Variants in PLEKHH1 observed in about 807,000 individuals in gnomAD.
PLEKHH1 encodes the protein pleckstrin homology domain-containing family H member 1.
Under a neutral mutation model 160.0 loss-of-function variants are expected in PLEKHH1, and 104 were observed. The ratio of observed to expected loss-of-function variants is 0.65; its 90% CI spans 0.55 to 0.76. The LOEUF is 0.76. PLEKHH1 is among the 30% of genes least tolerant of loss of function. The probability of loss-of-function intolerance (pLI) is 0.00; values close to 1 mark genes in which losing one functional copy is unlikely to be tolerated. For missense variants in PLEKHH1, 1,427 were observed against 1,724.1 expected (o/e 0.83, Z 3.05); for synonymous variants, 619 against 678.4 (o/e 0.91, Z 1.36).
Position 67,578,708 on chromosome 14 carries a change from T to G in PLEKHH1, c.2849+77T>G. On this transcript the variant is annotated intron_variant, in intron 20 of 28. Coordinates refer to ENST00000329153, the MANE Select transcript of PLEKHH1 (RefSeq NM_020715.3). This position sits in a 1 kb window ranked among gnomAD's most constrained non-coding sequence, Gnocchi z 5.0. ...ATGAATAAGAGGGATGAGAGGAGTC[T>G]AGGGCAGACCAGATCACTCCTGTCC... The G allele has an allele frequency of 1.1e-6, 1 of 934,748 alleles. No homozygotes were observed. The highest frequency in any genetic ancestry group is 1.7e-6 in the Non-Finnish European group (1 of 584,988). The allele number at this position is 934,748 out of a possible 1,614,324, so 57.9% of individuals were successfully genotyped here. A position where few individuals can be genotyped will look rare whatever the true frequency, so the allele number is the denominator to read the frequency against.
chr14:67,553,702 A>G (rs527243770), intron 2 of PLEKHH1, among the ~76,000 whole-genome samples: 8 of 152,342 alleles, frequency 5.3e-5, no homozygotes, highest in Non-Finnish European at 1.0e-4. Context: ...AACCACCCCT[A>G]TAAACATAAT....
At chr14:67,536,125 A>T (rs1479094779) in intron 1 of PLEKHH1, among the ~76,000 whole-genome samples, 1 of 148,848 alleles carries the variant, frequency 6.7e-6, no homozygotes, top group Non-Finnish European at 1.5e-5. Flanking sequence ...GGTTGTCCTG[A>T]CCACTTCTTT....
chr14:67,544,203 G>A (rs1306908354), intron 2 of PLEKHH1, among the ~76,000 whole-genome samples: 1 of 152,200 alleles, frequency 6.6e-6, no homozygotes, highest in African/African-American at 2.4e-5. Context: ...CACTGGCACA[G>A]GAGATGACAA....
chr14:67,585,574 C>A lies in PLEKHH1; in HGVS notation c.3706C>A (p.Gln1236Lys). 1 of 1,578,266 alleles carries A rather than the reference C, an allele frequency of 6.3e-7. No homozygotes were observed. The highest frequency in any genetic ancestry group is 8.6e-7 in the Non-Finnish European group (1 of 1,160,582). The change falls in exon 27 of 29, where the codon CAG becomes AAG. Residue 1236 changes from glutamine (Q) to lysine (K), a missense_variant. Coordinates refer to ENST00000329153, the MANE Select transcript of PLEKHH1 (RefSeq NM_020715.3). ...GAKLFAAQPA[Q>K]LSSKENALVW... Reference sequence around the variant, plus strand: ...GTTGTTTCTGTTTCCCCAGCCTGCCCAGCTGTCTTCCAAGGAGAACGCTCT... The same window carrying A: ...GTTGTTTCTGTTTCCCCAGCCTGCCAAGCTGTCTTCCAAGGAGAACGCTCT...
rs367736959 is a variant in PLEKHH1 at position 67,555,065 on chromosome 14, G to A, written c.127-760G>A. On this transcript the variant is annotated intron_variant, in intron 2 of 28. Transcript: ENST00000329153. ...GTAGCTGGGACTACAGGCGCACACC[G>A]CCACGCTCAGCTAATTAAAAAAGAA... Among the ~76,000 whole-genome samples, 10 of 151,916 alleles carry A rather than the reference G, an allele frequency of 6.6e-5. No homozygotes were observed. The East Asian group carries it at 7.7e-4, about 12-fold the overall frequency.
In PLEKHH1 at chr14:67,572,042, G is replaced by A. The variant is rs1278042510; in HGVS notation, c.1586-93G>A. Reference sequence around the variant, plus strand: ...CTCCACCCCCAGCCCCAGAGACCGGGTCCCGGGTGGGTGGTCAAGTCTCAG... The same window carrying A: ...CTCCACCCCCAGCCCCAGAGACCGGATCCCGGGTGGGTGGTCAAGTCTCAG... On this transcript the variant is annotated intron_variant, in intron 10 of 28. Coordinates refer to ENST00000329153, the MANE Select transcript of PLEKHH1 (RefSeq NM_020715.3). 3 of 1,495,528 alleles carry A rather than the reference G, an allele frequency of 2.0e-6. No homozygotes were observed. The Admixed American group carries it at 6.1e-5, about 31-fold the overall frequency. 92.6% of individuals were successfully genotyped at this position (1,495,528 alleles called of 1,614,324 possible).
Position 67,582,392 on chromosome 14 carries a change from A to G in PLEKHH1, c.3426+182A>G. On this transcript the variant is annotated intron_variant, in intron 24 of 28. Transcript: ENST00000329153. The surrounding 1 kb of genome is among the most constrained non-coding windows in gnomAD (Gnocchi z 5.0). ...TCAGAGCTCCTCACTCACCGCAGAT[A>G]TAGGATGCGTGCAGATGGCTGGACT... 9.7e-7 allele frequency: 1 copy of G among 1,033,424 alleles called. No homozygotes were observed. The highest frequency in any genetic ancestry group is 1.5e-5 in the South Asian group (1 of 65,868). 64.0% of individuals were successfully genotyped at this position (1,033,424 alleles called of 1,614,324 possible).
rs1885043 is a variant in PLEKHH1 at position 67,562,669 on chromosome 14, G to A, written c.1038G>A (p.Val346=). ...QVGHGHFGRV[V]NIETEAFSAL... ...GCCATGGGCACTTTGGCCGTGTGGT[G>A]AACATTGAGACTGAGGCCTTCTCAG... The change falls in exon 7 of 29, where the codon GTG becomes GTA. Residue 346 remains valine (V), a synonymous_variant. Transcript: ENST00000329153. 0.082 allele frequency: 131,478 copies of A among 1,612,050 alleles called. 6,381 individuals carry two copies. The highest frequency in any genetic ancestry group is 0.21 in the African/African-American group (15,904 of 74,940).
chr14:67,567,510 G>A (rs958865497), intron 7 of PLEKHH1, among the ~76,000 whole-genome samples: 5 of 151,578 alleles, frequency 3.3e-5, no homozygotes, highest in Non-Finnish European at 7.4e-5. Context: ...TTTTTATGCC[G>A]AATTTTACTT....
At chr14:67,577,704 G>A (rs1218883486) in intron 18 of PLEKHH1, among the ~76,000 whole-genome samples, 4 of 152,194 alleles carry the variant, frequency 2.6e-5, no homozygotes, top group Non-Finnish European at 5.9e-5. Flanking sequence ...GTTGCTTCTG[G>A]ACTGAGAGAT....
intron 1 of PLEKHH1, among the ~76,000 whole-genome samples, chr14:67,535,724 G>A (rs755922013): frequency 2.5e-4 from 38 of 152,106 alleles, no homozygotes; most frequent in Non-Finnish European, 4.9e-4. Context: ...TGTTCTAGAT[G>A]CTATTGGTTT....
At chr14:67,579,414 C>A in intron 21 of PLEKHH1, 103 bp downstream of exon 21, 2 of 943,960 alleles carry the variant, frequency 2.1e-6, no homozygotes, top group Non-Finnish European at 3.1e-6. Context: ...TCACTGTTGC[C>A]CCAGAAGTAG....
intron 5 of PLEKHH1, among the ~76,000 whole-genome samples, chr14:67,560,468 A>C (rs574806054): frequency 6.6e-6 from 1 of 152,088 alleles, no homozygotes; most frequent in Non-Finnish European, 1.5e-5. Context: ...CATCACTGCT[A>C]TCTATGTCTA....
At position 67,585,656 on chromosome 14, in the gene PLEKHH1, T is replaced by C; in HGVS notation, c.3786+2T>C. On this transcript the variant is annotated splice_donor_variant, in intron 27 of 28. Coordinates refer to ENST00000329153, the MANE Select transcript of PLEKHH1 (RefSeq NM_020715.3). LOFTEE classifies it high-confidence loss of function. ...AGCATCCTGGACCACAACACTATGG[T>C]ATGAAAGGATGCAGGCTGCTCCCTG... The C allele has an allele frequency of 1.3e-6, 2 of 1,548,850 alleles. No individual in the cohort carries two copies. Among genetic ancestry groups the C allele is most frequent in the Non-Finnish European group, 1.8e-6 (2 of 1,139,010 alleles).
chr14:67,580,757 G>A, intron 22 of PLEKHH1, 181 bp from the exon 23 acceptor site: 2 of 574,390 alleles, frequency 3.5e-6, no homozygotes, highest in South Asian at 2.1e-5. Context: ...CCCTCTGTTT[G>A]TGAGGGAGCT....
At chr14:67,555,284 A>G (rs2034548314) in intron 2 of PLEKHH1, among the ~76,000 whole-genome samples, 1 of 152,232 alleles carries the variant, frequency 6.6e-6, no homozygotes, top group South Asian at 2.1e-4. Context: ...TTAAGATTCA[A>G]GAAATCAAAT....
rs576270979 is a variant in PLEKHH1 at position 67,589,238 on chromosome 14, C to T, written c.*2003C>T. ...GGTCAATCTATTTCCCCCACCCTCT[C>T]TCCTCCCCAACCCTTCAGGAACCCT... On this transcript the variant is annotated 3_prime_UTR_variant, in exon 29 of 29. Coordinates refer to ENST00000329153, the MANE Select transcript of PLEKHH1 (RefSeq NM_020715.3). The T allele has an allele frequency of 5.2e-6, 3 of 572,590 alleles. No individual in the cohort carries two copies. 35.5% of individuals were successfully genotyped at this position (572,590 alleles called of 1,614,324 possible).
rs368500393 is a variant in PLEKHH1, at chr14:67,571,648, G to T, written c.1435-104G>T. On this transcript the variant is annotated intron_variant, in intron 9 of 28. Transcript: ENST00000329153. ...TTGTCTGTTCAGAGTCCCGGCTGGGGGTTGGCCACACCATGGGCACTTGGA... is the reference window on the plus strand; with the variant it reads ...TTGTCTGTTCAGAGTCCCGGCTGGGTGTTGGCCACACCATGGGCACTTGGA... The T allele has an allele frequency of 1.8e-4, 203 of 1,145,458 alleles. No individual in the cohort carries two copies. In the African/African-American group the frequency reaches 1.9e-3, roughly 11 times the overall value. 71.0% of individuals were successfully genotyped at this position (1,145,458 alleles called of 1,614,324 possible).
chr14:67,575,549 A>C (rs747493939), intron 15 of PLEKHH1, 77 bp downstream of exon 15: 1 of 924,914 alleles, frequency 1.1e-6, no homozygotes, highest in South Asian at 1.4e-5. Context: ...TGTCCTGATG[A>C]AAGTCCCTAC....
Sources: gnomAD v4.1 joint callset for allele counts (sites outside exome capture counted in the v4.1 genomes callset) on GRCh38, gnomAD v4.1.1 for gene constraint, Gnocchi (gnomAD v3.1) non-coding constraint, MANE v1.5 for transcripts, NCBI Gene and HGNC (gene_info 2026-07-23, HGNC 2026-07-21) for gene names.